The following JADE3 variants were observed in gnomAD, a reference collection of about 807,000 sequenced individuals.
The protein encoded by JADE3 is protein Jade-3.
In JADE3, 2 loss-of-function variants were observed where a neutral mutation model predicts 50.1. That is an observed-to-expected ratio of 0.04 (90% CI 0.02 to 0.13). The LOEUF is 0.13. Ranked by LOEUF, JADE3 falls within the 10% of genes least tolerant of loss-of-function variation. JADE3 has a pLI of 1.00. For synonymous variants in JADE3, 218 were observed against 232.9 expected, an observed-to-expected ratio of 0.94 and a Z score of 0.58; for missense variants, 475 against 634.4, an observed-to-expected ratio of 0.75 and a Z score of 2.70.
chrX:46,913,341 G>A (rs2147099031), intron 1 of JADE3, among the ~76,000 whole-genome samples: 1 of 111,073 alleles, frequency 9.0e-6, no homozygotes, highest in African/African-American at 3.3e-5. Flanking sequence ...GAGCGCGGGC[G>A]CCCGGCGGGC....
At chrX:47,046,534 G>A (rs73630251) in intron 8 of JADE3, among the ~76,000 whole-genome samples, 8,820 of 111,358 alleles carry the variant, frequency 0.079, 799 homozygotes, top group African/African-American at 0.26. Flanking sequence ...ATTCTACAAA[G>A]CCAGTATTAC....
At chrX:47,055,600 T>A (rs1556373246) in intron 9 of JADE3, among the ~76,000 whole-genome samples, 1 of 111,434 alleles carries the variant, frequency 9.0e-6, no homozygotes, top group Non-Finnish European at 1.9e-5. Flanking sequence ...AGAGAGAGAG[T>A]ATTTCACCTT....
intron 1 of JADE3, among the ~76,000 whole-genome samples, chrX:46,929,612 A>G (rs926960445): frequency 3.6e-5 from 4 of 111,669 alleles, no homozygotes; most frequent in African/African-American, 1.3e-4. Context: ...CCTCACCACT[A>G]GGCTACCACT....
At chrX:46,939,932 G>A (rs1926716745) in intron 1 of JADE3, among the ~76,000 whole-genome samples, 2 of 112,102 alleles carry the variant, frequency 1.8e-5, no homozygotes, top group South Asian at 7.4e-4. Context: ...AAATTTCAGT[G>A]TCCATAAGTC....
At chrX:46,940,458 T>C (rs1198573342) in intron 1 of JADE3, among the ~76,000 whole-genome samples, 2 of 111,887 alleles carry the variant, frequency 1.8e-5, no homozygotes, top group African/African-American at 6.5e-5. Flanking sequence ...TAAAGGCTCT[T>C]ATTTAAAATT....
rs372082523 is a variant in JADE3 at position 47,047,274 on chromosome X, C to T, written c.973-6884C>T. Reference sequence around the variant, plus strand: ...AGAAAATTGTTTTTCCAGCTGGGCACGGTTGCTCATGCCTGTAATCCCAGC... The same window carrying T: ...AGAAAATTGTTTTTCCAGCTGGGCATGGTTGCTCATGCCTGTAATCCCAGC... On this transcript the variant is annotated intron_variant, in intron 8 of 10. Coordinates refer to ENST00000614628, the MANE Select transcript of JADE3 (RefSeq NM_014735.5). Among the ~76,000 whole-genome samples the T allele has an allele frequency of 6.2e-5, 7 of 112,248 alleles. No individual in the cohort carries two copies. The South Asian group carries it at 1.5e-3, about 24-fold the overall frequency.
intron 4 of JADE3, among the ~76,000 whole-genome samples, chrX:47,003,865 T>G (rs1414015495): frequency 3.9e-5 from 4 of 101,656 alleles, no homozygotes; most frequent in Non-Finnish European, 7.9e-5. Flanking sequence ...TAAATTTATT[T>G]TTATATATTT....
chrX:46,978,118 G>C (rs1458032372), intron 1 of JADE3, among the ~76,000 whole-genome samples: 1 of 112,112 alleles, frequency 8.9e-6, no homozygotes, highest in Non-Finnish European at 1.9e-5. Context: ...TAAAGCAGCA[G>C]TGTCCAATCT....
At chrX:47,057,073 A>G (rs1929645994) in intron 10 of JADE3, among the ~76,000 whole-genome samples, 1 of 112,022 alleles carries the variant, frequency 8.9e-6, no homozygotes, top group Non-Finnish European at 1.9e-5. Context: ...GGGCAACATG[A>G]CAAGCAAAAC....
intron 7 of JADE3, among the ~76,000 whole-genome samples, chrX:47,036,360 CTCA>C (rs1198847417): frequency 2.7e-5 from 3 of 110,887 alleles, no homozygotes. Context: ...TGAAAAAATG[CTCA>C]TCATCACTGG....
chrX:47,030,265 C>G (rs1556366426), intron 6 of JADE3, among the ~76,000 whole-genome samples: 2 of 111,302 alleles, frequency 1.8e-5, no homozygotes, highest in Admixed American at 1.9e-4. Context: ...GGTTCTTTAA[C>G]AAACTCAAAT....
chrX:47,001,389 C>T (rs1237321444), intron 4 of JADE3, among the ~76,000 whole-genome samples: 1 of 111,780 alleles, frequency 8.9e-6, no homozygotes, highest in African/African-American at 3.3e-5. Flanking sequence ...ACTTTGAGAA[C>T]AATTTTGTTA....
intron 1 of JADE3, among the ~76,000 whole-genome samples, chrX:46,918,561 A>G (rs1231913706): frequency 8.9e-6 from 1 of 112,276 alleles, no homozygotes; most frequent in Admixed American, 9.4e-5. Flanking sequence ...TCCCCTTCCC[A>G]TAAGTACTAG....
At chrX:47,055,427 C>T (rs182323082) in intron 9 of JADE3, among the ~76,000 whole-genome samples, 186 of 111,533 alleles carry the variant, frequency 1.7e-3, no homozygotes, top group African/African-American at 5.8e-3. Flanking sequence ...CATATAGCAC[C>T]TACTATTACT....
At chrX:46,947,453 C>T in intron 1 of JADE3, among the ~76,000 whole-genome samples, 1 of 111,843 alleles carries the variant, frequency 8.9e-6, no homozygotes, top group Non-Finnish European at 1.9e-5. Context: ...TTTTGTACTC[C>T]TTCAGACTGA....
chrX:47,027,990 G>T lies in JADE3; in HGVS notation c.574G>T (p.Gly192Trp), dbSNP rs782777302. The T allele has an allele frequency of 1.7e-6, 2 of 1,207,739 alleles. No individual in the cohort carries two copies. The highest frequency in any genetic ancestry group is 5.9e-5 in the East Asian group (2 of 33,813). The change falls in exon 6 of 11, where the codon GGG (glycine) becomes TGG (tryptophan). Residue 192 changes from glycine (G) to tryptophan (W), a missense_variant. Gly to Trp is a radical substitution (Grantham distance 184). Around this residue, in one of 6 missense-constraint regions of JADE3, gnomAD observed 54 missense variants for 156.2 expected, o/e 0.35. Coordinates refer to ENST00000614628, the MANE Select transcript of JADE3 (RefSeq NM_014735.5). ...NMNHAIETEE[G>W]LGIEYDEDVI... ...GAACCATGCTATTGAGACAGAGGAAGGGCTAGGCATAGAGTATGATGAAGA... is the reference window on the plus strand; with the variant it reads ...GAACCATGCTATTGAGACAGAGGAATGGCTAGGCATAGAGTATGATGAAGA...
intron 1 of JADE3, among the ~76,000 whole-genome samples, chrX:46,979,758 G>T (rs1927700856): frequency 9.1e-6 from 1 of 110,232 alleles, no homozygotes; most frequent in Non-Finnish European, 1.9e-5. Context: ...GTAATAATAA[G>T]TATGTAATAA....
At chrX:46,990,601 G>C (rs1602397975) in intron 3 of JADE3, among the ~76,000 whole-genome samples, 1 of 111,550 alleles carries the variant, frequency 9.0e-6, no homozygotes, top group African/African-American at 3.3e-5. Flanking sequence ...CCTCATTATT[G>C]CTGGGAGAGA....
chrX:46,999,646 C>T (rs1928235545), intron 4 of JADE3, among the ~76,000 whole-genome samples: 2 of 109,187 alleles, frequency 1.8e-5, no homozygotes, highest in Non-Finnish European at 3.8e-5. Context: ...ACATGGCCTT[C>T]ATTTGCATTA....
Sources: gnomAD v4.1 joint callset for allele counts (sites outside exome capture counted in the v4.1 genomes callset) on GRCh38, gnomAD v4.1.1 for gene constraint, gnomAD v4.1.1 regional missense constraint, MANE v1.5 for transcripts, NCBI Gene and HGNC (gene_info 2026-07-23, HGNC 2026-07-21) for gene names.